The following KLF12 variants were observed in gnomAD, a reference collection of about 807,000 sequenced individuals.
The protein encoded by KLF12 is Krueppel-like factor 12.
KLF12 carries 9 observed loss-of-function variants against 37.8 expected under a neutral mutation model. The ratio of observed to expected loss-of-function variants is 0.24; its 90% confidence interval spans 0.14 to 0.42. The LOEUF is 0.42. Among genes scored for constraint, KLF12 ranks in the 10% least tolerant of loss-of-function variants. The pLI, the probability that KLF12 is intolerant of heterozygous loss-of-function variation, is 1.00. For synonymous variants in KLF12, 208 were observed against 202.1 expected (o/e 1.03, Z -0.25); for missense variants, 411 against 516.0 (o/e 0.80, Z 1.97).
intron 4 of KLF12, among the ~76,000 whole-genome samples, chr13:73,832,677 C>T (rs1052740858): frequency 1.3e-5 from 2 of 152,178 alleles, no homozygotes; most frequent in African/African-American, 4.8e-5. Context: ...ATGGATGCAA[C>T]AAATGGGCCC....
chr13:74,296,198 C>T, the KLF12 span, among the ~76,000 whole-genome samples: 1 of 151,752 alleles, frequency 6.6e-6, no homozygotes, highest in Non-Finnish European at 1.5e-5. Flanking sequence ...ACAATCTTTC[C>T]CGATTCCTTG....
intron 4 of KLF12, among the ~76,000 whole-genome samples, chr13:73,832,542 A>G (rs1884218644): frequency 6.6e-6 from 1 of 152,234 alleles, no homozygotes; most frequent in Non-Finnish European, 1.5e-5. Flanking sequence ...CAAGAAATTG[A>G]AAATGCCTTC....
At chr13:73,766,817 T>G (rs1879946485) in intron 5 of KLF12, among the ~76,000 whole-genome samples, 1 of 152,188 alleles carries the variant, frequency 6.6e-6, no homozygotes, top group Non-Finnish European at 1.5e-5. Flanking sequence ...ATTGCATATA[T>G]TAGTGAAGAA....
At chr13:74,108,180 G>C (rs1234762854) in intron 1 of KLF12, among the ~76,000 whole-genome samples, 1 of 152,006 alleles carries the variant, frequency 6.6e-6, no homozygotes, top group Non-Finnish European at 1.5e-5. Context: ...ATCTCTTTGA[G>C]TATATGACTA....
chr13:73,876,482 A>G (rs1238179607), intron 3 of KLF12, among the ~76,000 whole-genome samples: 3 of 152,218 alleles, frequency 2.0e-5, no homozygotes, highest in Admixed American at 6.5e-5. Flanking sequence ...ACCTAATCAC[A>G]GAAGTAAAAT....
Position 73,955,693 on chromosome 13 carries a change from A to G in KLF12, c.34-11623T>C, listed in dbSNP as rs147838098. 4.6e-4 allele frequency among the ~76,000 whole-genome samples: 70 copies of G among 152,364 alleles called. 1 individual carries two copies. Among genetic ancestry groups the G allele is most frequent in the African/African-American group, 1.4e-3 (60 of 41,584 alleles). ...GAAATATACTGTTTAAGAGAAAGAC[A>G]TTTATTACTGAACGTATTTAACAAA... is the stretch of plus-strand genomic sequence containing the variant. On this transcript the variant is annotated intron_variant, in intron 2 of 7. Coordinates refer to ENST00000377669, the MANE Select transcript of KLF12 (RefSeq NM_007249.5).
At chr13:74,270,187 G>A in the KLF12 span, among the ~76,000 whole-genome samples, 65,574 of 151,894 alleles carry the variant, frequency 0.43, 17,008 homozygotes, top group East Asian at 0.75. Context: ...ATGATGAGCC[G>A]TTCAGATCAC....
intron 3 of KLF12, among the ~76,000 whole-genome samples, chr13:73,895,668 G>A (rs189230189): frequency 1.3e-5 from 2 of 152,060 alleles, no homozygotes; most frequent in South Asian, 4.1e-4. Flanking sequence ...GATACATCAG[G>A]GAGAAATGAG....
At chr13:74,043,702 G>A (rs1200429214) in intron 1 of KLF12, among the ~76,000 whole-genome samples, 1 of 152,150 alleles carries the variant, frequency 6.6e-6, no homozygotes, top group East Asian at 1.9e-4. Flanking sequence ...AATTCCTTGA[G>A]GAAAGCATAC....
At chr13:74,256,032 G>A in the KLF12 span, among the ~76,000 whole-genome samples, 138 of 152,158 alleles carry the variant, frequency 9.1e-4, no homozygotes, top group Middle Eastern at 6.8e-3. Flanking sequence ...GCGGGCGCCT[G>A]TAGTCCCAGC....
chr13:73,859,556 T>C (rs1038139090), intron 3 of KLF12, among the ~76,000 whole-genome samples: 1 of 152,338 alleles, frequency 6.6e-6, no homozygotes, highest in Admixed American at 6.5e-5. Context: ...ACTGCTAGGA[T>C]AGTTGTAAGC....
At chr13:74,028,476 A>G (rs1384415815) in intron 1 of KLF12, among the ~76,000 whole-genome samples, 1 of 152,184 alleles carries the variant, frequency 6.6e-6, no homozygotes, top group Non-Finnish European at 1.5e-5. Context: ...AGAAATATTT[A>G]GCTTAATTTG....
At chr13:73,816,058 T>C (rs1359424431) in intron 4 of KLF12, among the ~76,000 whole-genome samples, 1 of 152,208 alleles carries the variant, frequency 6.6e-6, no homozygotes, top group Non-Finnish European at 1.5e-5. Flanking sequence ...GCTGGGAAAA[T>C]CTTTTTACCC....
intron 3 of KLF12, among the ~76,000 whole-genome samples, chr13:73,935,163 T>C (rs1006185261): frequency 6.6e-6 from 1 of 151,604 alleles, no homozygotes; most frequent in Non-Finnish European, 1.5e-5. Context: ...TATTTTTTTA[T>C]TTTTTAGTAG....
At chr13:73,974,178 A>C (rs1033178365) in intron 2 of KLF12, among the ~76,000 whole-genome samples, 2 of 152,106 alleles carry the variant, frequency 1.3e-5, no homozygotes, top group Non-Finnish European at 2.9e-5. Flanking sequence ...GGATAGAAAA[A>C]TATTTCAAGT....
intron 1 of KLF12, among the ~76,000 whole-genome samples, chr13:74,061,720 G>C (rs1873601885): frequency 6.6e-6 from 1 of 152,120 alleles, no homozygotes; most frequent in African/African-American, 2.4e-5. Flanking sequence ...GGCACTCTCT[G>C]AGCAAAAGTC....
At chr13:73,851,090 CGG>C (rs1254871264) in intron 3 of KLF12, among the ~76,000 whole-genome samples, 1 of 152,114 alleles carries the variant, frequency 6.6e-6, no homozygotes, top group Non-Finnish European at 1.5e-5. Context: ...ACTCATACAA[CGG>C]TTGTGAAGAT....
chr13:74,211,481 A>T, the KLF12 span, among the ~76,000 whole-genome samples: 69 of 152,344 alleles, frequency 4.5e-4, no homozygotes, highest in Middle Eastern at 6.8e-3. Context: ...GAGGAAAGGC[A>T]GATAAATAGT....
At chr13:73,767,521 T>A (rs1331968086) in intron 5 of KLF12, among the ~76,000 whole-genome samples, 13 of 152,232 alleles carry the variant, frequency 8.5e-5, no homozygotes, top group Non-Finnish European at 1.5e-5. Flanking sequence ...TTGGTTGTTG[T>A]GTAACATGTA....
Sources: allele counts gnomAD v4.1 joint callset (sites outside exome capture counted in the v4.1 genomes callset), GRCh38; gene constraint gnomAD v4.1.1; transcripts MANE v1.5; gene names NCBI Gene and HGNC (gene_info 2026-07-23, HGNC 2026-07-21).